The following ERICH3 variants were observed in gnomAD, a reference collection of about 807,000 sequenced individuals.
ERICH3 encodes the protein glutamate-rich protein 3.
In ERICH3, 126 loss-of-function variants were observed where a neutral mutation model predicts 131.1. That is an observed-to-expected ratio of 0.96 (90% CI 0.83 to 1.11). The LOEUF is 1.11. ERICH3 is among the 50% of genes most tolerant of loss of function. The probability of loss-of-function intolerance (pLI) is 0.00; values close to 1 mark genes in which losing one functional copy is unlikely to be tolerated. For synonymous variants in ERICH3, 695 were observed against 644.6 expected, an observed-to-expected ratio of 1.08 and a Z score of -1.18; for missense variants, 2,050 against 1,810.7, an observed-to-expected ratio of 1.13 and a Z score of -2.40.
chr1:74,586,845 A>G (rs549447636), intron 12 of ERICH3, among the ~76,000 whole-genome samples: 1 of 152,334 alleles, frequency 6.6e-6, no homozygotes, highest in Non-Finnish European at 1.5e-5. Flanking sequence ...ACAAAATATG[A>G]AAACAAAACT....
At chr1:74,590,668 C>T (rs1647549270) in intron 11 of ERICH3, among the ~76,000 whole-genome samples, 1 of 152,200 alleles carries the variant, frequency 6.6e-6, no homozygotes, top group Non-Finnish European at 1.5e-5. Flanking sequence ...TAAAACTTCG[C>T]TGGCTTCCCC....
rs2100493183 is a variant in ERICH3, at chr1:74,569,209, G to A, written c.*1249C>T. ...AAAAATATATATATACTGATGTGTA[G>A]ATCCATCTAAAACGAATTAAGTCTG... is the stretch of plus-strand genomic sequence containing the variant. On this transcript the variant is annotated 3_prime_UTR_variant, in exon 15 of 15. Coordinates refer to ENST00000326665, the MANE Select transcript of ERICH3 (RefSeq NM_001002912.5). The A allele has an allele frequency of 6.6e-6, 1 of 152,072 alleles. No individual in the cohort carries two copies. Among genetic ancestry groups the A allele is most frequent in the African/African-American group, 2.4e-5 (1 of 41,478 alleles). The allele number at this position is 152,072 out of a possible 1,614,324, so 9.4% of individuals were successfully genotyped here.
At chr1:74,633,712 C>G (rs1251433681) in intron 6 of ERICH3, among the ~76,000 whole-genome samples, 4 of 151,962 alleles carry the variant, frequency 2.6e-5, no homozygotes, top group Non-Finnish European at 4.4e-5. Context: ...ATTGCAAATA[C>G]AACAGTACAA....
intron 11 of ERICH3, among the ~76,000 whole-genome samples, chr1:74,591,039 T>C (rs999477602): frequency 6.6e-6 from 1 of 152,226 alleles, no homozygotes; most frequent in Non-Finnish European, 1.5e-5. Context: ...TTTTGTCTAC[T>C]GTACTATCCA....
chr1:74,657,381 T>G, intron 1 of ERICH3, among the ~76,000 whole-genome samples: 1 of 152,192 alleles, frequency 6.6e-6, no homozygotes. Context: ...CAGGGCCAAT[T>G]ATTTTATATT....
In ERICH3 at chr1:74,572,484, CAG is replaced by C; in HGVS notation, c.3224_3225del (p.Ser1075Ter). 6.2e-7 allele frequency: 1 copy of C among 1,614,068 alleles called. No homozygotes were observed. The highest frequency in any genetic ancestry group is 8.5e-7 in the Non-Finnish European group (1 of 1,179,970). ...RPKTSLRKTD[S>X]EREEVTRANA... The stretch of plus-strand genomic sequence containing the variant: ...TTTGCCCTTGTCACCTCTTCTCTCT[CAG>C]AGTCAGTTTTCCTCAGAGATGTTTT... On this transcript the variant is annotated frameshift_variant, in exon 14 of 15. Coordinates refer to ENST00000326665, the MANE Select transcript of ERICH3 (RefSeq NM_001002912.5). LOFTEE classifies it high-confidence loss of function.
chr1:74,576,819 G>T, intron 13 of ERICH3, 76 bp downstream of exon 13: 1 of 1,282,494 alleles, frequency 7.8e-7, no homozygotes, highest in Non-Finnish European at 1.1e-6. Context: ...TCAAGAACAT[G>T]GGAAGTTTGA....
chr1:74,642,035 C>CT (rs1646442228), intron 4 of ERICH3, among the ~76,000 whole-genome samples: 1 of 151,966 alleles, frequency 6.6e-6, no homozygotes, highest in South Asian at 2.1e-4. Flanking sequence ...GTGAGTGACT[C>CT]TTTTTTTCCA....
intron 5 of ERICH3, 88 bp downstream of exon 5, chr1:74,641,243 T>C: frequency 2.0e-6 from 3 of 1,474,526 alleles, no homozygotes; most frequent in Non-Finnish European, 2.8e-6. Context: ...TACGGAGTCA[T>C]GCTCCCAGAG....
chr1:74,572,122 C>G lies in ERICH3; in HGVS notation c.3588G>C (p.Leu1196=). Residue 1196 remains leucine, a synonymous_variant, in exon 14 of 15, where the codon CTG becomes CTC. Coordinates refer to ENST00000326665, the MANE Select transcript of ERICH3 (RefSeq NM_001002912.5). ...TCAGGGCCCTATTCTCCCTGCTGGA[C>G]AGCTCTTCTCTGTCTTTGTGCTCTG... is the stretch of plus-strand genomic sequence containing the variant. ...RDTEHKDREE[L]SSRENRALKE... is the part of the protein sequence containing the mutation. 6.2e-7 allele frequency: 1 copy of G among 1,614,228 alleles called. No homozygotes were observed. Among genetic ancestry groups the G allele is most frequent in the Non-Finnish European group, 8.5e-7 (1 of 1,180,034 alleles).
chr1:74,592,083 A>G (rs1292536171), intron 11 of ERICH3: 1 of 152,192 alleles, frequency 6.6e-6, no homozygotes, highest in African/African-American at 2.4e-5. Flanking sequence ...GACATATCAG[A>G]GTTTCCACAA....
chr1:74,604,800 C>T (rs1648304446), intron 10 of ERICH3, among the ~76,000 whole-genome samples: 1 of 151,816 alleles, frequency 6.6e-6, no homozygotes, highest in Non-Finnish European at 1.5e-5. Context: ...ATTTATAGAG[C>T]AGAAGCAGAT....
At chr1:74,657,817 A>G (rs1158874719) in intron 1 of ERICH3, among the ~76,000 whole-genome samples, 4 of 152,162 alleles carry the variant, frequency 2.6e-5, no homozygotes, top group African/African-American at 4.8e-5. Context: ...ATGCTTTCAT[A>G]TACCATGAAT....
Position 74,572,088 on chromosome 1 carries a change from G to T in ERICH3, c.3622C>A (p.His1208Asn), listed in dbSNP as rs1646961281. 1 of 1,614,092 alleles carries T rather than the reference G, an allele frequency of 6.2e-7. No individual in the cohort carries two copies. Among genetic ancestry groups the T allele is most frequent in the African/African-American group, 1.3e-5 (1 of 74,942 alleles). The change falls in exon 14 of 15, where the codon CAC becomes AAC. Residue 1208 changes from histidine to asparagine, a missense_variant. Physicochemically the swap from His to Asn is moderately conservative, Grantham distance 68. Transcript: ENST00000326665. ...AAGGCCCCCTCTCCATCTTGGCGGT[G>T]CCCTTCCTTCAGGGCCCTATTCTCC... Reference protein sequence around the residue: ...SRENRALKEGHRQDGEGALAA... With the variant: ...SRENRALKEGNRQDGEGALAA...
At chr1:74,593,794 T>C (rs2100568036) in intron 11 of ERICH3, among the ~76,000 whole-genome samples, 1 of 152,238 alleles carries the variant, frequency 6.6e-6, no homozygotes, top group South Asian at 2.1e-4. Context: ...GGTTCAACAG[T>C]ACCCAATGTC....
rs763962348 is a variant in ERICH3 at position 74,573,084 on chromosome 1, G to A, written c.2626C>T (p.Pro876Ser). The A allele has an allele frequency of 4.3e-6, 7 of 1,614,110 alleles. No homozygotes were observed. In the South Asian group the frequency reaches 7.7e-5, roughly 18 times the overall value. ...DAVGLSKDEA[P>S]EKQALMLTVL... Reference sequence around the variant, plus strand: ...GTGAGCATCAAGGCTTGCTTTTCAGGAGCCTCATCTTTACTCAGACCCACA... The same window carrying A: ...GTGAGCATCAAGGCTTGCTTTTCAGAAGCCTCATCTTTACTCAGACCCACA... Residue 876 changes from proline (P) to serine (S), a missense_variant, in exon 14 of 15, where the codon CCT becomes TCT. Physicochemically the swap from Pro to Ser is moderately conservative, Grantham distance 74. Coordinates refer to ENST00000326665, the MANE Select transcript of ERICH3 (RefSeq NM_001002912.5).
intron 12 of ERICH3, among the ~76,000 whole-genome samples, chr1:74,583,336 A>C (rs1647212430): frequency 6.6e-6 from 1 of 152,182 alleles, no homozygotes; most frequent in Non-Finnish European, 1.5e-5. Flanking sequence ...CTCTATATAT[A>C]CTATGCTTTT....
chr1:74,641,200 G>C lies in ERICH3; in HGVS notation c.444+131C>G. On this transcript the variant is annotated intron_variant, in intron 5 of 14. Coordinates refer to ENST00000326665, the MANE Select transcript of ERICH3 (RefSeq NM_001002912.5). ...AAGAGACAGAGTTGAACAGATATAA[G>C]ACTATATTTTCATTCAGTAGGACTG... 4 of 1,020,556 alleles carry C rather than the reference G, an allele frequency of 3.9e-6. 1 individual carries two copies. In the South Asian group the frequency reaches 6.5e-5, roughly 16 times the overall value. The allele number at this position is 1,020,556 out of a possible 1,614,324, so 63.2% of individuals were successfully genotyped here.
chr1:74,626,952 T>A (rs936400943), intron 7 of ERICH3, among the ~76,000 whole-genome samples: 1 of 152,152 alleles, frequency 6.6e-6, no homozygotes, highest in East Asian at 1.9e-4. Context: ...ATTTCATTGC[T>A]TTTTACTCTT....
Sources: allele counts gnomAD v4.1 joint callset (sites outside exome capture counted in the v4.1 genomes callset), GRCh38; gene constraint gnomAD v4.1.1; transcripts MANE v1.5; gene names NCBI Gene and HGNC (gene_info 2026-07-23, HGNC 2026-07-21).